WDPCP: variants seen among roughly 807,000 people sequenced by gnomAD.
WDPCP encodes the protein WD repeat containing planar cell polarity effector, also known as WD repeat-containing and planar cell polarity effector protein fritz homolog.
In WDPCP, 71 loss-of-function variants were observed where a neutral mutation model predicts 93.1. The observed-to-expected ratio is 0.76, with a 90% CI of 0.63 to 0.93. The LOEUF (loss-of-function observed/expected upper bound fraction) is 0.93, where lower values mean the gene tolerates loss of function less well. Ranked by LOEUF, WDPCP falls within the 40% of genes least tolerant of loss-of-function variation. The pLI is 0.00. For synonymous variants in WDPCP, 315 were observed against 315.0 expected (o/e 1.00, Z 0.00); for missense variants, 844 against 887.4 (o/e 0.95, Z 0.62).
intron 2 of WDPCP, among the ~76,000 whole-genome samples, chr2:63,653,366 G>C (rs1710129988): frequency 6.6e-6 from 1 of 152,154 alleles, no homozygotes; most frequent in Non-Finnish European, 1.5e-5. Context: ...CTAGAGTGAA[G>C]AGACTTTGCT....
At chr2:63,718,916 A>C (rs1669375389) in intron 2 of WDPCP, among the ~76,000 whole-genome samples, 1 of 152,228 alleles carries the variant, frequency 6.6e-6, no homozygotes, top group Non-Finnish European at 1.5e-5. Flanking sequence ...TAATATATAA[A>C]AGGAGAAATC....
intron 14 of WDPCP, among the ~76,000 whole-genome samples, chr2:63,236,630 A>C (rs1230105976): frequency 6.6e-6 from 1 of 152,204 alleles, no homozygotes; most frequent in Non-Finnish European, 1.5e-5. Flanking sequence ...AAAAACAGAT[A>C]TACAGAATAG....
At chr2:63,171,067 T>G (rs1673354672) in intron 15 of WDPCP, among the ~76,000 whole-genome samples, 1 of 152,018 alleles carries the variant, frequency 6.6e-6, no homozygotes, top group Non-Finnish European at 1.5e-5. Flanking sequence ...ACATAAAAAT[T>G]AACTCAAAAT....
chr2:63,211,404 C>A (rs183579912), intron 14 of WDPCP, among the ~76,000 whole-genome samples: 1 of 152,312 alleles, frequency 6.6e-6, no homozygotes, highest in Non-Finnish European at 1.5e-5. Flanking sequence ...AGGGTCCTGA[C>A]TTTTAGAAGG....
chr2:63,306,368 G>C (rs996756727), intron 13 of WDPCP, among the ~76,000 whole-genome samples: 6 of 152,128 alleles, frequency 3.9e-5, no homozygotes, highest in Non-Finnish European at 8.8e-5. Flanking sequence ...GAAAAAGAGG[G>C]ACTCCTCCCT....
At chr2:63,563,959 TA>T (rs1706834382) in intron 1 of WDPCP, among the ~76,000 whole-genome samples, 1 of 152,212 alleles carries the variant, frequency 6.6e-6, no homozygotes, top group African/African-American at 2.4e-5. Context: ...CTTTTGAGTA[TA>T]CTAAAAACTA....
chr2:63,229,891 GAAAAA>G, intron 14 of WDPCP: 1 of 114,272 alleles, frequency 8.8e-6, no homozygotes, highest in South Asian at 2.5e-4. Context: ...CCAGAAAAAG[GAAAAA>G]AAAAAAAAAA....
intron 14 of WDPCP, chr2:63,228,387 C>CTTTTT: frequency 5.4e-5 from 6 of 110,436 alleles, no homozygotes; most frequent in South Asian, 3.0e-4. Flanking sequence ...TTTTCTTTTT[C>CTTTTT]TTTTTTTTTT....
At chr2:63,363,935 G>A (rs1400351654) in intron 12 of WDPCP, among the ~76,000 whole-genome samples, 3 of 152,048 alleles carry the variant, frequency 2.0e-5, no homozygotes, top group African/African-American at 7.2e-5. Flanking sequence ...AGCTGCTCTG[G>A]AGGCAGAGCA....
intron 12 of WDPCP, among the ~76,000 whole-genome samples, chr2:63,354,714 A>ATG (rs150962868): frequency 0.024 from 3,664 of 149,934 alleles, 103 homozygotes; most frequent in African/African-American, 0.071. Context: ...GTATATATGT[A>ATG]TGTGTGTGTG....
At chr2:63,445,179 A>G (rs961505903) in intron 6 of WDPCP, among the ~76,000 whole-genome samples, 6 of 152,146 alleles carry the variant, frequency 3.9e-5, no homozygotes, top group Non-Finnish European at 8.8e-5. Flanking sequence ...TGCCTCCTAC[A>G]TGTCAGGAAA....
At chr2:63,292,049 C>T (rs1159554782) in intron 13 of WDPCP, among the ~76,000 whole-genome samples, 5 of 144,368 alleles carry the variant, frequency 3.5e-5, no homozygotes, top group African/African-American at 7.7e-5. Flanking sequence ...AGGAGAATGG[C>T]GTGAACCCGG....
intron 13 of WDPCP, among the ~76,000 whole-genome samples, chr2:63,282,987 A>T (rs1313481299): frequency 6.6e-6 from 1 of 152,152 alleles, no homozygotes; most frequent in Non-Finnish European, 1.5e-5. Context: ...GCTTGGGAAA[A>T]ATTGAAGTTT....
chr2:63,197,986 A>C (rs1448735179), intron 14 of WDPCP, among the ~76,000 whole-genome samples: 1 of 152,148 alleles, frequency 6.6e-6, no homozygotes, highest in Non-Finnish European at 1.5e-5. Flanking sequence ...CAGGGGAGAT[A>C]TTTTGTCTAC....
intron 12 of WDPCP, among the ~76,000 whole-genome samples, chr2:63,371,070 C>T (rs1348432512): frequency 6.6e-6 from 1 of 152,072 alleles, no homozygotes; most frequent in African/African-American, 2.4e-5. Flanking sequence ...TTCTGAATTT[C>T]TCACTCAAAC....
intron 2 of WDPCP, among the ~76,000 whole-genome samples, chr2:63,774,905 G>C (rs1324273396): frequency 1.3e-5 from 2 of 152,068 alleles, no homozygotes; most frequent in Non-Finnish European, 2.9e-5. Flanking sequence ...AAACTCATCT[G>C]TCTAAAATAT....
chr2:63,491,525 T>C (rs1040789327), intron 2 of WDPCP, among the ~76,000 whole-genome samples: 8 of 152,162 alleles, frequency 5.3e-5, no homozygotes, highest in Non-Finnish European at 1.0e-4. Flanking sequence ...TCCTTCTTTC[T>C]TGGAAAGTGT....
intron 6 of WDPCP, among the ~76,000 whole-genome samples, chr2:63,448,780 TGA>T (rs1343688771): frequency 6.6e-6 from 1 of 152,188 alleles, no homozygotes; most frequent in Admixed American, 6.5e-5. Context: ...AAATACTGCA[TGA>T]TCTCACTTAC....
intron 2 of WDPCP, among the ~76,000 whole-genome samples, chr2:63,770,396 A>G (rs1047753121): frequency 6.6e-5 from 10 of 151,978 alleles, no homozygotes; most frequent in Non-Finnish European, 1.2e-4. Flanking sequence ...TGAAAAGAGT[A>G]CCAAATTAAA....
Sources: gnomAD v4.1 joint callset for allele counts (sites outside exome capture counted in the v4.1 genomes callset) on GRCh38, gnomAD v4.1.1 for gene constraint, MANE v1.5 for transcripts, NCBI Gene and HGNC (gene_info 2026-07-23, HGNC 2026-07-21) for gene names.